The following STK3 variants were observed in gnomAD, a reference collection of about 807,000 sequenced individuals.
The protein encoded by STK3 is serine/threonine-protein kinase 3.
A neutral mutation model predicts 58.0 loss-of-function variants in STK3; 41 were observed. The ratio of observed to expected loss-of-function variants is 0.71; its 90% CI spans 0.55 to 0.92. STK3 has a LOEUF of 0.92. Ranked by LOEUF, STK3 falls within the 40% of genes least tolerant of loss-of-function variation. The probability of loss-of-function intolerance (pLI) is 0.00; values close to 1 mark genes in which losing one functional copy is unlikely to be tolerated. For synonymous variants in STK3, 170 were observed against 191.0 expected (o/e 0.89, Z 0.91); for missense variants, 479 against 602.7 (o/e 0.79, Z 2.15).
chr8:98,937,206 A>G (rs1438444578), intron 1 of STK3, among the ~76,000 whole-genome samples: 2 of 152,198 alleles, frequency 1.3e-5, no homozygotes, highest in Middle Eastern at 3.2e-3. Context: ...GGGTGCCAGA[A>G]GAAGAATGAT....
At chr8:98,661,329 T>C (rs1821951476) in intron 6 of STK3, among the ~76,000 whole-genome samples, 1 of 152,138 alleles carries the variant, frequency 6.6e-6, no homozygotes, top group Admixed American at 6.6e-5. Context: ...AGTACTCTTA[T>C]AACTTGATTA....
intron 10 of STK3, among the ~76,000 whole-genome samples, chr8:98,501,224 G>A (rs1443945091): frequency 6.6e-6 from 1 of 151,692 alleles, no homozygotes; most frequent in Non-Finnish European, 1.5e-5. Flanking sequence ...AGAAGTGTCT[G>A]TTCATATCCT....
chr8:98,830,906 C>T (rs1016718188), intron 3 of STK3, among the ~76,000 whole-genome samples: 2 of 140,538 alleles, frequency 1.4e-5, no homozygotes, highest in Non-Finnish European at 3.0e-5. Context: ...GGAGGCGAAG[C>T]TTGCAGTGAG....
downstream of STK3, among the ~76,000 whole-genome samples, chr8:98,370,684 T>A (rs2130988725): frequency 6.6e-6 from 1 of 152,314 alleles, no homozygotes; most frequent in South Asian, 2.1e-4. Context: ...AATGCTGACA[T>A]TACCTCTCTT....
intron 6 of STK3, among the ~76,000 whole-genome samples, chr8:98,630,806 G>GGAAGAA (rs564343980): frequency 6.8e-6 from 1 of 146,576 alleles, no homozygotes; most frequent in African/African-American, 2.6e-5. Flanking sequence ...AAGAGGAAGA[G>GGAAGAA]GAAGAAGAAG....
At chr8:98,838,464 A>G (rs1031350384) in intron 3 of STK3, among the ~76,000 whole-genome samples, 2 of 152,104 alleles carry the variant, frequency 1.3e-5, no homozygotes, top group Non-Finnish European at 2.9e-5. Flanking sequence ...CCCCTAGATA[A>G]ATGTGTACTG....
chr8:98,650,572 G>A (rs777716745), intron 6 of STK3, among the ~76,000 whole-genome samples: 4 of 152,228 alleles, frequency 2.6e-5, no homozygotes, highest in Non-Finnish European at 5.9e-5. Context: ...GGGTCAGGGA[G>A]TCCCTTTCCT....
At chr8:98,771,615 A>G (rs182568000) in intron 2 of STK3, among the ~76,000 whole-genome samples, 2 of 152,120 alleles carry the variant, frequency 1.3e-5, no homozygotes, top group Admixed American at 1.3e-4. Flanking sequence ...CCCAGGCCAG[A>G]GTGCAATGGC....
At chr8:98,829,247 T>C (rs1236915711), upstream of STK3, among the ~76,000 whole-genome samples, 1 of 152,186 alleles carries the variant, frequency 6.6e-6, no homozygotes, top group Non-Finnish European at 1.5e-5. Flanking sequence ...CCTTGACCCT[T>C]TGGGCCTGAG....
At chr8:98,837,895 C>A (rs551665497) in intron 3 of STK3, among the ~76,000 whole-genome samples, 8 of 151,992 alleles carry the variant, frequency 5.3e-5, no homozygotes, top group African/African-American at 1.9e-4. Flanking sequence ...TTGCACCACT[C>A]CACTCCAGCC....
intron 6 of STK3, chr8:98,599,032 A>G (rs1384185114): frequency 2.7e-6 from 1 of 365,384 alleles, no homozygotes; most frequent in Non-Finnish European, 3.8e-6. Flanking sequence ...TCTCAGTGGA[A>G]TGAGTCAACA....
intron 6 of STK3, among the ~76,000 whole-genome samples, chr8:98,620,946 T>C (rs1314375941): frequency 2.0e-5 from 3 of 150,016 alleles, no homozygotes; most frequent in African/African-American, 7.3e-5. Flanking sequence ...TTTTTTTTTT[T>C]TGAGACGGAG....
chr8:98,671,573 G>GA (rs1554646900), intron 6 of STK3, among the ~76,000 whole-genome samples: 3 of 150,688 alleles, frequency 2.0e-5, no homozygotes, highest in African/African-American at 7.3e-5. Context: ...TTAGTTTGGG[G>GA]TTTTTTTTTG....
chr8:98,691,824 C>T lies in STK3; in HGVS notation c.684+14643G>A, dbSNP rs182995993. ...GCGCGCATCTGTAATCCCAGCTACTCGGGAGGCTGAGGCAGGAGAATCGCT... is the reference window on the plus strand; with the variant it reads ...GCGCGCATCTGTAATCCCAGCTACTTGGGAGGCTGAGGCAGGAGAATCGCT... On this transcript the variant is annotated intron_variant, in intron 6 of 10. Coordinates refer to ENST00000419617, the MANE Select transcript of STK3 (RefSeq NM_006281.4). Among the ~76,000 whole-genome samples, 1,030 of 151,290 alleles carry T rather than the reference C, an allele frequency of 6.8e-3. 7 individuals carry two copies. Among genetic ancestry groups the T allele is most frequent in the African/African-American group, 0.023 (964 of 41,198 alleles).
chr8:98,568,732 C>T (rs1254902091), intron 8 of STK3, among the ~76,000 whole-genome samples: 1 of 151,778 alleles, frequency 6.6e-6, no homozygotes, highest in African/African-American at 2.4e-5. Context: ...GAAAAAATAG[C>T]AAGTTTGGAA....
intron 7 of STK3, chr8:98,594,718 T>A (rs967049134): frequency 3.3e-5 from 5 of 152,232 alleles, no homozygotes; most frequent in Non-Finnish European, 5.9e-5. Flanking sequence ...TCAATTTTTG[T>A]GGAAAAATAA....
intron 1 of STK3, among the ~76,000 whole-genome samples, chr8:98,806,308 T>A (rs755605907): frequency 9.2e-5 from 14 of 151,542 alleles, no homozygotes; most frequent in Non-Finnish European, 1.8e-4. Context: ...AAAAAAAAAA[T>A]ATATCTTCCT....
At chr8:98,762,523 G>A (rs1830690858) in intron 3 of STK3, among the ~76,000 whole-genome samples, 1 of 152,162 alleles carries the variant, frequency 6.6e-6, no homozygotes, top group Non-Finnish European at 1.5e-5. Context: ...CAAAGTGCTG[G>A]GATTACAGGC....
At chr8:98,593,509 G>T (rs1815516352) in intron 7 of STK3, among the ~76,000 whole-genome samples, 1 of 152,122 alleles carries the variant, frequency 6.6e-6, no homozygotes, top group African/African-American at 2.4e-5. Context: ...TTATGAACTG[G>T]GCTGCACAGC....
Sources: allele counts gnomAD v4.1 joint callset (sites outside exome capture counted in the v4.1 genomes callset), GRCh38; gene constraint gnomAD v4.1.1; transcripts MANE v1.5; gene names NCBI Gene and HGNC (gene_info 2026-07-23, HGNC 2026-07-21).